Variants in PRLR observed in about 807,000 individuals in gnomAD.
PRLR encodes prolactin receptor, also known as hPRL receptor.
PRLR carries 13 observed loss-of-function variants against 40.2 expected under a neutral mutation model. The ratio of observed to expected loss-of-function variants is 0.32; its 90% CI spans 0.21 to 0.51. PRLR has a LOEUF of 0.51. Among genes scored for constraint, PRLR ranks in the 20% least tolerant of loss-of-function variants. The pLI, the probability that PRLR is intolerant of heterozygous loss-of-function variation, is 0.97. For synonymous variants in PRLR, 269 were observed against 278.7 expected, an observed-to-expected ratio of 0.97 and a Z score of 0.35; for missense variants, 656 against 747.3, an observed-to-expected ratio of 0.88 and a Z score of 1.42.
chr5:35,102,282 C>T (rs540496515), intron 2 of PRLR, among the ~76,000 whole-genome samples: 3 of 152,170 alleles, frequency 2.0e-5, no homozygotes, highest in Admixed American at 2.0e-4. Context: ...TCCTAGAGAT[C>T]AAGGCTTGTT....
intron 2 of PRLR, among the ~76,000 whole-genome samples, chr5:35,107,780 C>T (rs547337266): frequency 6.6e-6 from 1 of 152,202 alleles, no homozygotes; most frequent in South Asian, 2.1e-4. Flanking sequence ...GATTCACAGC[C>T]GAGTCTACCA....
chr5:35,159,248 C>T (rs1242913120), intron 1 of PRLR, among the ~76,000 whole-genome samples: 1 of 151,366 alleles, frequency 6.6e-6, no homozygotes, highest in Admixed American at 6.6e-5. Context: ...TGGCATCCTT[C>T]GGCCTTCTTT....
rs1286287574 is a variant in PRLR, at chr5:35,063,669, G to C, written c.*1420C>G. The C allele has an allele frequency of 2.6e-5, 4 of 152,180 alleles. No individual in the cohort carries two copies. The highest frequency in any genetic ancestry group is 2.9e-5 in the Non-Finnish European group (2 of 68,026). The allele number at this position is 152,180 out of a possible 1,614,324, so 9.4% of individuals were successfully genotyped here. On this transcript the variant is annotated 3_prime_UTR_variant, in exon 10 of 10. Coordinates refer to ENST00000618457, the MANE Select transcript of PRLR (RefSeq NM_000949.7). ...ATTTTGCAATTGAATTTACTTCAGAGAGACACTAACTCCTGGCTTTGCTTA... is the reference window on the plus strand; with the variant it reads ...ATTTTGCAATTGAATTTACTTCAGACAGACACTAACTCCTGGCTTTGCTTA...
chr5:35,095,768 C>A (rs1010491006), intron 2 of PRLR, among the ~76,000 whole-genome samples: 3 of 152,174 alleles, frequency 2.0e-5, no homozygotes, highest in Non-Finnish European at 4.4e-5. Context: ...CCATCTTGTA[C>A]CCTGTTTTGA....
At chr5:35,217,192 C>T (rs988247527) in intron 1 of PRLR, among the ~76,000 whole-genome samples, 7 of 152,164 alleles carry the variant, frequency 4.6e-5, no homozygotes, top group Admixed American at 6.5e-5. Flanking sequence ...TACCTCCAGC[C>T]TCCTGAAAGT....
Position 35,082,043 on chromosome 5 carries a change from A to T in PRLR, c.373+2427T>A, listed in dbSNP as rs146532400. ...CCCCCAGTGAGCACACAAGAGCAAG[A>T]GTGAGACCCTCAGCTGCTGGCGAGT... is the stretch of plus-strand genomic sequence containing the variant. On this transcript the variant is annotated intron_variant, in intron 5 of 9. Coordinates refer to ENST00000618457, the MANE Select transcript of PRLR (RefSeq NM_000949.7). The T allele has an allele frequency of 4.8e-3, 745 of 153,942 alleles. 22 individuals are homozygous for T. The highest frequency in any genetic ancestry group is 0.035 in the Admixed American group (535 of 15,338). 9.5% of individuals were successfully genotyped at this position (153,942 alleles called of 1,614,324 possible). A position where few individuals can be genotyped will look rare whatever the true frequency, so the allele number is the denominator to read the frequency against.
chr5:35,183,225 G>T (rs1257850130), intron 1 of PRLR, among the ~76,000 whole-genome samples: 1 of 152,172 alleles, frequency 6.6e-6, no homozygotes, highest in Non-Finnish European at 1.5e-5. Flanking sequence ...TCCTAGTTTT[G>T]TCATTTGGAG....
intron 1 of PRLR, among the ~76,000 whole-genome samples, chr5:35,149,600 A>C (rs1774283590): frequency 6.6e-6 from 1 of 152,168 alleles, no homozygotes; most frequent in South Asian, 2.1e-4. Context: ...AGAGAGTCTT[A>C]GTGACTCTAA....
At chr5:35,097,786 A>G (rs1026680414) in intron 2 of PRLR, among the ~76,000 whole-genome samples, 1 of 152,116 alleles carries the variant, frequency 6.6e-6, no homozygotes, top group African/African-American at 2.4e-5. Flanking sequence ...ATGCCTGGGC[A>G]CCACTGCCTA....
At chr5:35,088,814 T>A (rs1187919407) in intron 3 of PRLR, among the ~76,000 whole-genome samples, 1 of 152,056 alleles carries the variant, frequency 6.6e-6, no homozygotes, top group Non-Finnish European at 1.5e-5. Flanking sequence ...TGGAAGTACA[T>A]ACTTGTATGC....
At chr5:35,113,472 TC>T (rs1310469671) in intron 2 of PRLR, among the ~76,000 whole-genome samples, 2 of 139,100 alleles carry the variant, frequency 1.4e-5, no homozygotes, top group Non-Finnish European at 3.1e-5. Flanking sequence ...CATCCATCCA[TC>T]CATCCATCCA....
At chr5:35,188,884 C>T (rs564979094) in intron 1 of PRLR, among the ~76,000 whole-genome samples, 2 of 152,192 alleles carry the variant, frequency 1.3e-5, no homozygotes, top group Admixed American at 6.5e-5. Context: ...CTGTTGAAAA[C>T]TTTATTAGGT....
At chr5:35,159,929 T>C (rs934241209) in intron 1 of PRLR, among the ~76,000 whole-genome samples, 13 of 152,198 alleles carry the variant, frequency 8.5e-5, no homozygotes, top group Non-Finnish European at 1.8e-4. Context: ...ATGACTTTTA[T>C]TAAATAAGGC....
Position 35,059,496 on chromosome 5 carries a change from C to T in PRLR, c.*5593G>A, listed in dbSNP as rs1768909505. ...CATAAAATCTGTTCAGAACACTGAA[C>T]AGATTTAGATTTACCATAGCCAATA... On this transcript the variant is annotated 3_prime_UTR_variant, in exon 10 of 10. Coordinates refer to ENST00000618457, the MANE Select transcript of PRLR (RefSeq NM_000949.7). 1 of 152,118 alleles carries T rather than the reference C, an allele frequency of 6.6e-6. No individual in the cohort carries two copies. The highest frequency in any genetic ancestry group is 2.4e-5 in the African/African-American group (1 of 41,432). 9.4% of individuals were successfully genotyped at this position (152,118 alleles called of 1,614,324 possible). A position where few individuals can be genotyped will look rare whatever the true frequency, so the allele number is the denominator to read the frequency against.
intron 1 of PRLR, among the ~76,000 whole-genome samples, chr5:35,150,755 G>GAA (rs771995479): frequency 6.6e-6 from 1 of 151,078 alleles, no homozygotes; most frequent in African/African-American, 2.4e-5. Flanking sequence ...GTAAGAATAG[G>GAA]AAAAAAAAAT....
chr5:35,194,659 G>A (rs1436526655), intron 1 of PRLR, among the ~76,000 whole-genome samples: 1 of 152,200 alleles, frequency 6.6e-6, no homozygotes, highest in Non-Finnish European at 1.5e-5. Context: ...CTAAGTGAAA[G>A]AAGCAGTCAG....
intron 1 of PRLR, among the ~76,000 whole-genome samples, chr5:35,197,319 G>A (rs1775763532): frequency 6.6e-6 from 1 of 152,180 alleles, no homozygotes; most frequent in Non-Finnish European, 1.5e-5. Flanking sequence ...CTGAAACTAT[G>A]ATCGTTTTCT....
chr5:35,098,890 A>C (rs1000003658), intron 2 of PRLR, among the ~76,000 whole-genome samples: 1 of 152,180 alleles, frequency 6.6e-6, no homozygotes, highest in African/African-American at 2.4e-5. Flanking sequence ...ACACATGGGG[A>C]AACTGAGGCC....
At chr5:35,218,657 G>C (rs1470488030) in intron 1 of PRLR, among the ~76,000 whole-genome samples, 1 of 152,188 alleles carries the variant, frequency 6.6e-6, no homozygotes, top group Non-Finnish European at 1.5e-5. Context: ...GAAAAGCAGA[G>C]AAGACAGAAT....
Sources: gnomAD v4.1 joint callset for allele counts (sites outside exome capture counted in the v4.1 genomes callset) on GRCh38, gnomAD v4.1.1 for gene constraint, MANE v1.5 for transcripts, NCBI Gene and HGNC (gene_info 2026-07-23, HGNC 2026-07-21) for gene names.